MELK: variants seen among roughly 807,000 people sequenced by gnomAD.
The protein encoded by MELK is maternal embryonic leucine zipper kinase.
MELK carries 81 observed loss-of-function variants against 85.0 expected under a neutral mutation model. The ratio of observed to expected loss-of-function variants is 0.95; its 90% CI spans 0.80 to 1.15. MELK has a LOEUF of 1.15. Among genes scored for constraint, MELK ranks in the 50% most tolerant of loss-of-function variants. The pLI is 0.00. For missense variants in MELK, 754 were observed against 777.5 expected (o/e 0.97, Z 0.36); for synonymous variants, 252 against 265.0 (o/e 0.95, Z 0.48).
chr9:36,606,701 A>G (rs899637298), intron 7 of MELK: 3 of 148,006 alleles, frequency 2.0e-5, no homozygotes, highest in Admixed American at 6.8e-5. Context: ...GTATGCATAT[A>G]TGTATATATG....
chr9:36,584,851 G>A (rs541643616), intron 3 of MELK, among the ~76,000 whole-genome samples: 6 of 151,618 alleles, frequency 4.0e-5, no homozygotes, highest in African/African-American at 1.5e-4. Context: ...CTGAGTGGGT[G>A]TGACCAGAGG....
chr9:36,608,419 A>G (rs541384035), intron 8 of MELK, among the ~76,000 whole-genome samples: 76 of 148,098 alleles, frequency 5.1e-4, no homozygotes, highest in East Asian at 1.8e-3. Flanking sequence ...AAACTTGTGT[A>G]TATATATATA....
intron 10 of MELK, among the ~76,000 whole-genome samples, chr9:36,635,609 A>G (rs1296325377): frequency 1.3e-5 from 2 of 152,118 alleles, no homozygotes; most frequent in Non-Finnish European, 1.5e-5. Context: ...ACAAATGTCA[A>G]CACTTTGAAA....
At chr9:36,615,735 G>A (rs1274291339) in intron 8 of MELK, among the ~76,000 whole-genome samples, 5 of 146,776 alleles carry the variant, frequency 3.4e-5, no homozygotes, top group South Asian at 4.5e-4. Context: ...GGGCAGAGGC[G>A]CTCCCCACAT....
In MELK at chr9:36,636,778, TTCTTTCTG is replaced by T. The variant is rs1359394609; in HGVS notation, c.834+3582_834+3589del. On this transcript the variant is annotated intron_variant, in intron 10 of 17. Transcript: ENST00000298048. ...TTTCTTTCTTTCTTTCTTTCTTTCT[TTCTTTCTG>T]TCTGTCTTTCTTTCTTTCTGTCTTT... 1.7e-3 allele frequency among the ~76,000 whole-genome samples: 138 copies of T among 82,224 alleles called. 1 individual carries two copies. Among genetic ancestry groups the T allele is most frequent in the Non-Finnish European group, 3.0e-3 (110 of 36,648 alleles). 53.9% of individuals were successfully genotyped at this position (82,224 alleles called of 152,430 possible).
At chr9:36,634,592 A>G (rs1014252115) in intron 10 of MELK, among the ~76,000 whole-genome samples, 1 of 152,216 alleles carries the variant, frequency 6.6e-6, no homozygotes, top group Admixed American at 6.5e-5. Context: ...CTATAATCCC[A>G]GGTTCTCAGG....
intron 8 of MELK, among the ~76,000 whole-genome samples, chr9:36,625,525 A>G (rs1483582956): frequency 6.6e-6 from 1 of 152,202 alleles, no homozygotes; most frequent in Non-Finnish European, 1.5e-5. Flanking sequence ...AGGGATAGGC[A>G]TGGAGCCCAG....
intron 10 of MELK, 25 bp from the exon 11 acceptor site, chr9:36,642,972 T>G: frequency 1.3e-6 from 2 of 1,558,670 alleles, no homozygotes; most frequent in Non-Finnish European, 1.8e-6. Flanking sequence ...TTTTTGTTAA[T>G]AAAGTGCATA....
At chr9:36,586,647 T>G (rs746234854) in intron 3 of MELK, among the ~76,000 whole-genome samples, 5 of 152,196 alleles carry the variant, frequency 3.3e-5, no homozygotes, top group Non-Finnish European at 7.3e-5. Context: ...ATAACTTTAG[T>G]ATGACTTACT....
chr9:36,597,761 A>G (rs1364835088), intron 6 of MELK, among the ~76,000 whole-genome samples: 3 of 152,226 alleles, frequency 2.0e-5, no homozygotes, highest in Non-Finnish European at 1.5e-5. Flanking sequence ...AAAAGCCCAT[A>G]TGCACTTCTA....
chr9:36,651,876 A>C lies in MELK; in HGVS notation c.1052A>C (p.Lys351Thr), dbSNP rs369940373. The change falls in exon 12 of 18, where the codon AAG (lysine) becomes ACG (threonine). Residue 351 changes from lysine (K) to threonine (T), a missense_variant and splice_region_variant. Transcript: ENST00000298048. ...AGTGCTACCCCATTCACAGACATCA[A>C]GGTAAGTGTTACTGCCTGTTGTGTC... ...QASATPFTDI[K>T]SNNWSLEDVT... is the part of the protein sequence containing the mutation. 6.2e-7 allele frequency: 1 copy of C among 1,613,108 alleles called. No individual in the cohort carries two copies. Among genetic ancestry groups the C allele is most frequent in the Admixed American group, 1.7e-5 (1 of 59,948 alleles).
intron 12 of MELK, among the ~76,000 whole-genome samples, chr9:36,655,294 A>G (rs1831128012): frequency 6.6e-6 from 1 of 152,188 alleles, no homozygotes; most frequent in Non-Finnish European, 1.5e-5. Flanking sequence ...ATGGGATCCA[A>G]ACTGGACCAA....
intron 4 of MELK, 67 bp from the exon 5 acceptor site, chr9:36,594,561 T>C: frequency 6.5e-7 from 1 of 1,548,412 alleles, no homozygotes. Flanking sequence ...TGTACTTTTT[T>C]ATTTTAAATT....
chr9:36,646,374 G>T (rs1411514099), intron 11 of MELK, among the ~76,000 whole-genome samples: 1 of 152,052 alleles, frequency 6.6e-6, no homozygotes, highest in Non-Finnish European at 1.5e-5. Flanking sequence ...TCCATATGCT[G>T]GTATGGTGCT....
At chr9:36,636,591 G>A (rs186612251) in intron 10 of MELK, among the ~76,000 whole-genome samples, 1 of 152,238 alleles carries the variant, frequency 6.6e-6, no homozygotes, top group Non-Finnish European at 1.5e-5. Flanking sequence ...CTGTTCTTAT[G>A]TAGGCCTTAC....
chr9:36,673,800 G>C (rs898434955), intron 16 of MELK, among the ~76,000 whole-genome samples: 11 of 152,130 alleles, frequency 7.2e-5, no homozygotes, highest in Admixed American at 2.0e-4. Context: ...CCACAATCAA[G>C]ATAATTTTTT....
chr9:36,654,643 A>G (rs1831052491), intron 12 of MELK, among the ~76,000 whole-genome samples: 1 of 152,016 alleles, frequency 6.6e-6, no homozygotes, highest in Non-Finnish European at 1.5e-5. Context: ...AGCGTGAACC[A>G]CCACACCCGG....
intron 2 of MELK, among the ~76,000 whole-genome samples, chr9:36,582,514 TAC>T (rs10691970): frequency 2.0e-5 from 3 of 151,882 alleles, no homozygotes; most frequent in South Asian, 2.1e-4. Flanking sequence ...TGGGACATTT[TAC>T]ACACACATAT....
chr9:36,629,133 G>A (rs1385281500), intron 8 of MELK, among the ~76,000 whole-genome samples: 1 of 152,142 alleles, frequency 6.6e-6, no homozygotes, highest in African/African-American at 2.4e-5. Context: ...CCAAAGTGCT[G>A]GGATTACAGG....
Sources: gnomAD v4.1 joint callset for allele counts (sites outside exome capture counted in the v4.1 genomes callset) on GRCh38, gnomAD v4.1.1 for gene constraint, MANE v1.5 for transcripts, NCBI Gene and HGNC (gene_info 2026-07-23, HGNC 2026-07-21) for gene names.